Variants in CCSER1 observed in about 807,000 individuals in gnomAD.
CCSER1 encodes the protein coiled-coil serine rich protein 1.
In CCSER1, 41 loss-of-function variants were observed where a neutral mutation model predicts 82.0. The observed-to-expected ratio is 0.50, with a 90% CI of 0.39 to 0.65. The LOEUF (loss-of-function observed/expected upper bound fraction) is 0.65, where lower values mean the gene tolerates loss of function less well. Ranked by LOEUF, CCSER1 falls within the 30% of genes least tolerant of loss-of-function variation. CCSER1 has a pLI of 0.00. For synonymous variants in CCSER1, 414 were observed against 383.9 expected (o/e 1.08, Z -0.92); for missense variants, 1,119 against 1,064.2 (o/e 1.05, Z -0.72).
chr4:90,802,642 GT>G lies in CCSER1; in HGVS notation c.2011-13116del, dbSNP rs1189166654. 3.3e-4 allele frequency among the ~76,000 whole-genome samples: 50 copies of G among 152,144 alleles called. No individual in the cohort carries two copies. The Middle Eastern group carries it at 0.01, about 31-fold the overall frequency. ...TAACTAATAAAGAAACAAAATTGTG[GT>G]TTTCTTAACCTTGTTTTCAGTATTT... is the stretch of plus-strand genomic sequence containing the variant. On this transcript the variant is annotated intron_variant, in intron 7 of 10. Transcript: ENST00000509176.
At chr4:91,182,628 T>C (rs1268767209) in intron 10 of CCSER1, among the ~76,000 whole-genome samples, 2 of 152,206 alleles carry the variant, frequency 1.3e-5, no homozygotes, top group African/African-American at 4.8e-5. Context: ...AAAATATAGC[T>C]AGAGCTTGGC....
intron 9 of CCSER1, among the ~76,000 whole-genome samples, chr4:91,039,212 C>CTT (rs5860218): frequency 7.8e-4 from 113 of 145,662 alleles, no homozygotes; most frequent in Middle Eastern, 3.6e-3. Context: ...TTCTTTCTTT[C>CTT]TTTTTTTTTT....
intron 10 of CCSER1, among the ~76,000 whole-genome samples, chr4:91,156,106 A>C (rs529605826): frequency 1.3e-5 from 2 of 151,950 alleles, no homozygotes; most frequent in South Asian, 4.2e-4. Context: ...GGACATAAGT[A>C]TATAATATTG....
At chr4:90,626,703 T>C (rs1306055401) in intron 5 of CCSER1, among the ~76,000 whole-genome samples, 3 of 152,102 alleles carry the variant, frequency 2.0e-5, no homozygotes, top group Non-Finnish European at 4.4e-5. Context: ...CATCAGCAAG[T>C]TACTTAACCT....
At chr4:91,265,963 G>A (rs1162229406) in intron 10 of CCSER1, among the ~76,000 whole-genome samples, 3 of 152,138 alleles carry the variant, frequency 2.0e-5, no homozygotes, top group Non-Finnish European at 4.4e-5. Flanking sequence ...TTCTTACATG[G>A]CAGCAGCAAG....
At chr4:90,216,006 A>C (rs527688292) in intron 1 of CCSER1, among the ~76,000 whole-genome samples, 1 of 152,290 alleles carries the variant, frequency 6.6e-6, no homozygotes, top group South Asian at 2.1e-4. Context: ...CCGCTCACCA[A>C]CTGTGAAAAA....
intron 7 of CCSER1, among the ~76,000 whole-genome samples, chr4:90,796,852 T>G (rs1756111709): frequency 6.6e-6 from 1 of 152,216 alleles, no homozygotes; most frequent in Non-Finnish European, 1.5e-5. Flanking sequence ...AAGACATTGT[T>G]TTTTATGATT....
chr4:90,325,940 A>C (rs1455975867), intron 3 of CCSER1, among the ~76,000 whole-genome samples: 1 of 152,190 alleles, frequency 6.6e-6, no homozygotes, highest in African/African-American at 2.4e-5. Flanking sequence ...AGTAATTTTA[A>C]AATTGAGACA....
At chr4:90,444,726 G>A (rs1760382730) in intron 4 of CCSER1, among the ~76,000 whole-genome samples, 1 of 151,936 alleles carries the variant, frequency 6.6e-6, no homozygotes, top group Non-Finnish European at 1.5e-5. Flanking sequence ...GAAATAGTCT[G>A]TATATCAAAA....
intron 10 of CCSER1, among the ~76,000 whole-genome samples, chr4:91,324,917 A>G (rs1746444582): frequency 6.6e-6 from 1 of 152,272 alleles, no homozygotes; most frequent in African/African-American, 2.4e-5. Context: ...CTGTGTTCCC[A>G]CCCAAATCAC....
At chr4:90,226,585 T>C (rs1743201103) in intron 1 of CCSER1, among the ~76,000 whole-genome samples, 1 of 152,194 alleles carries the variant, frequency 6.6e-6, no homozygotes, top group Non-Finnish European at 1.5e-5. Flanking sequence ...ATTCAAGGAA[T>C]GGGAAGATAA....
intron 9 of CCSER1, among the ~76,000 whole-genome samples, chr4:91,085,536 A>G (rs1353938923): frequency 6.6e-6 from 1 of 152,100 alleles, no homozygotes; most frequent in Non-Finnish European, 1.5e-5. Context: ...GCAGTACTGC[A>G]AGGGCTTCTG....
chr4:91,231,873 T>G (rs1738656162), intron 10 of CCSER1, among the ~76,000 whole-genome samples: 1 of 151,754 alleles, frequency 6.6e-6, no homozygotes, highest in Admixed American at 6.6e-5. Context: ...GAACTGGACT[T>G]TATGCAGGTA....
At chr4:90,383,507 C>T (rs72883342) in intron 3 of CCSER1, among the ~76,000 whole-genome samples, 55,455 of 151,864 alleles carry the variant, frequency 0.37, 10,652 homozygotes, top group African/African-American at 0.47. Flanking sequence ...TCCAAACTCA[C>T]GTATATTCAA....
chr4:90,665,509 G>C (rs1012456404), intron 6 of CCSER1, among the ~76,000 whole-genome samples: 24 of 152,042 alleles, frequency 1.6e-4, no homozygotes, highest in Non-Finnish European at 3.4e-4. Context: ...TTTTAGTAGA[G>C]ATGAGGTTTC....
intron 10 of CCSER1, among the ~76,000 whole-genome samples, chr4:91,292,063 G>C (rs139297044): frequency 1.3e-5 from 2 of 151,940 alleles, no homozygotes; most frequent in African/African-American, 4.8e-5. Flanking sequence ...TATCAAACTA[G>C]CAAGCGATGC....
chr4:90,395,720 C>T (rs1218247003), intron 3 of CCSER1, among the ~76,000 whole-genome samples: 1 of 150,734 alleles, frequency 6.6e-6, no homozygotes, highest in Non-Finnish European at 1.5e-5. Flanking sequence ...TGGGTGTCCT[C>T]TCACAAAATG....
At chr4:90,692,734 T>C (rs1043959337) in intron 6 of CCSER1, among the ~76,000 whole-genome samples, 1 of 151,874 alleles carries the variant, frequency 6.6e-6, no homozygotes, top group Admixed American at 6.6e-5. Flanking sequence ...AATAAACATG[T>C]CTAGACTTTA....
intron 6 of CCSER1, among the ~76,000 whole-genome samples, chr4:90,706,935 C>G (rs1290820104): frequency 6.6e-6 from 1 of 152,040 alleles, no homozygotes. Flanking sequence ...TTTTAAAAGC[C>G]ATACCCATCA....
Sources: gnomAD v4.1 joint callset for allele counts (sites outside exome capture counted in the v4.1 genomes callset) on GRCh38, gnomAD v4.1.1 for gene constraint, MANE v1.5 for transcripts, NCBI Gene and HGNC (gene_info 2026-07-23, HGNC 2026-07-21) for gene names.